Variants in AGAP1 observed in about 807,000 individuals in gnomAD.
AGAP1 encodes arf-GAP with GTPase, ANK repeat and PH domain-containing protein 1.
AGAP1 carries 29 observed loss-of-function variants against 105.3 expected under a neutral mutation model. The ratio of observed to expected loss-of-function variants is 0.28; its 90% CI spans 0.21 to 0.38. The LOEUF (loss-of-function observed/expected upper bound fraction) is 0.38, where lower values mean the gene tolerates loss of function less well. Among genes scored for constraint, AGAP1 ranks in the 10% least tolerant of loss-of-function variants. The pLI, the probability that AGAP1 is intolerant of heterozygous loss-of-function variation, is 1.00. For missense variants in AGAP1, 998 were observed against 1,165.1 expected, an observed-to-expected ratio of 0.86 and a Z score of 2.09; for synonymous variants, 509 against 485.9, an observed-to-expected ratio of 1.05 and a Z score of -0.63.
chr2:235,799,302 C>T lies in AGAP1; in HGVS notation c.802-65C>T. The T allele has an allele frequency of 6.4e-7, 1 of 1,566,760 alleles. No individual in the cohort carries two copies. The highest frequency in any genetic ancestry group is 8.7e-7 in the Non-Finnish European group (1 of 1,150,800). On this transcript the variant is annotated intron_variant, in intron 7 of 17. Coordinates refer to ENST00000304032, the MANE Select transcript of AGAP1 (RefSeq NM_001037131.3). The surrounding 1 kb of genome is among the most constrained non-coding windows in gnomAD (Gnocchi z 5.0). ...TGCTCACTTGTTGGTTATGACCTTG[C>T]CTAAGTGGAGGTCTTGGGTTCCTGA... is the stretch of plus-strand genomic sequence containing the variant.
intron 16 of AGAP1, among the ~76,000 whole-genome samples, chr2:236,060,662 T>TCCAGCCTGGGCCGCAGA (rs1486878117): frequency 3.9e-5 from 6 of 152,044 alleles, no homozygotes; most frequent in Admixed American, 3.9e-4. Flanking sequence ...ACCACTGCAC[T>TCCAGCCTGGGCCGCAGA]CCAGCCTGGG....
chr2:235,952,318 T>A (rs974923070), intron 12 of AGAP1, among the ~76,000 whole-genome samples: 2 of 152,168 alleles, frequency 1.3e-5, no homozygotes, highest in African/African-American at 4.8e-5. Flanking sequence ...AAATATTTTC[T>A]TTTCAGTGTC....
intron 8 of AGAP1, 149 bp from the exon 9 acceptor site, chr2:235,807,090 G>A: frequency 1.5e-6 from 1 of 676,892 alleles, no homozygotes; most frequent in South Asian, 1.9e-5. Context: ...GAACTACTGA[G>A]CTGTCTGCTC....
At chr2:236,023,565 A>G (rs2056952943) in intron 13 of AGAP1, among the ~76,000 whole-genome samples, 1 of 151,660 alleles carries the variant, frequency 6.6e-6, no homozygotes, top group South Asian at 2.1e-4. Context: ...AGAAGTCCCA[A>G]CTCTTTCACC....
chr2:235,667,959 CAAAAAAAAAAAAA>C (rs142657060), intron 1 of AGAP1, among the ~76,000 whole-genome samples: 1 of 61,926 alleles, frequency 1.6e-5, no homozygotes, highest in African/African-American at 6.7e-5. Flanking sequence ...GCCTCTGTCT[CAAAAAAAAAAAAA>C]AAAAAAAAAA....
chr2:235,800,177 G>C (rs1011572561), intron 8 of AGAP1, among the ~76,000 whole-genome samples: 33 of 151,198 alleles, frequency 2.2e-4, no homozygotes, highest in African/African-American at 7.6e-4. Flanking sequence ...CTCAGTCATG[G>C]CTCACTGCAG....
At chr2:235,972,500 C>T (rs1449436407) in intron 13 of AGAP1, among the ~76,000 whole-genome samples, 45 of 152,064 alleles carry the variant, frequency 3.0e-4, no homozygotes, top group Non-Finnish European at 4.4e-5. Flanking sequence ...GTGTAGAACC[C>T]GGGGTGTAAC....
At chr2:235,521,754 G>T (rs770540401) in intron 1 of AGAP1, among the ~76,000 whole-genome samples, 8 of 151,000 alleles carry the variant, frequency 5.3e-5, no homozygotes, top group African/African-American at 2.0e-4. Context: ...GTGTGTGTGT[G>T]TGTGTGTGTG....
intron 9 of AGAP1, among the ~76,000 whole-genome samples, chr2:235,821,466 C>T (rs893930743): frequency 2.0e-5 from 3 of 150,902 alleles, no homozygotes; most frequent in African/African-American, 7.3e-5. Context: ...TCACTGCAAG[C>T]TCTGCCTCCC....
At chr2:235,679,239 T>G (rs551481022) in intron 1 of AGAP1, among the ~76,000 whole-genome samples, 1 of 152,362 alleles carries the variant, frequency 6.6e-6, no homozygotes, top group South Asian at 2.1e-4. Flanking sequence ...TAAACAGATA[T>G]GTCACTGTGC....
At chr2:235,573,418 C>T (rs769920786) in intron 1 of AGAP1, among the ~76,000 whole-genome samples, 11 of 152,106 alleles carry the variant, frequency 7.2e-5, no homozygotes, top group Non-Finnish European at 1.3e-4. Flanking sequence ...CACGTACTTA[C>T]ATTTTTTGTT....
rs6749870 is a variant in AGAP1 at position 236,061,566 on chromosome 2, C to T, written c.2114+12285C>T. Among the ~76,000 whole-genome samples, 112,481 of 151,922 alleles carry T rather than the reference C, an allele frequency of 0.74. 41,886 individuals carry two copies. The highest frequency in any genetic ancestry group is 0.92 in the East Asian group (4,748 of 5,146). On this transcript the variant is annotated intron_variant, in intron 16 of 17. Transcript: ENST00000304032. This position sits in a 1 kb window ranked among gnomAD's most constrained non-coding sequence, Gnocchi z 4.1. Reference sequence around the variant, plus strand: ...TACAGGTTGTAACGTGGGTGAACCTCGAAGACATGATGCTAAAGGAAAGGA... The same window carrying T: ...TACAGGTTGTAACGTGGGTGAACCTTGAAGACATGATGCTAAAGGAAAGGA...
At position 236,055,094 on chromosome 2, in the gene AGAP1, G is replaced by A. The variant is rs754871721; in HGVS notation, c.2114+5813G>A. On this transcript the variant is annotated intron_variant, in intron 16 of 17. Coordinates refer to ENST00000304032, the MANE Select transcript of AGAP1 (RefSeq NM_001037131.3). The surrounding 1 kb of genome is among the most constrained non-coding windows in gnomAD (Gnocchi z 6.2). ...TGTGACCTCCCGCTTGTCAAGGTCC[G>A]GGCTGTGCTCTTCTTTCAATTAAGT... Among the ~76,000 whole-genome samples, 2 of 152,140 alleles carry A rather than the reference G, an allele frequency of 1.3e-5. No individual in the cohort carries two copies. The highest frequency in any genetic ancestry group is 4.8e-5 in the African/African-American group (2 of 41,426).
intron 16 of AGAP1, among the ~76,000 whole-genome samples, chr2:236,106,910 G>C (rs1361844950): frequency 1.3e-5 from 2 of 152,136 alleles, no homozygotes; most frequent in African/African-American, 4.8e-5. Flanking sequence ...AGTCTACAAG[G>C]GGGTGGCTGC....
chr2:235,531,618 T>C (rs184990176), intron 1 of AGAP1, among the ~76,000 whole-genome samples: 3 of 151,540 alleles, frequency 2.0e-5, no homozygotes, highest in Admixed American at 1.3e-4. Flanking sequence ...CTTTTTTTTT[T>C]TTTTTTTGAG....
At chr2:235,645,264 A>G (rs1266808075) in intron 1 of AGAP1, among the ~76,000 whole-genome samples, 1 of 152,200 alleles carries the variant, frequency 6.6e-6, no homozygotes, top group East Asian at 1.9e-4. Context: ...TTACAGTTGA[A>G]AACTAATTAA....
intron 13 of AGAP1, among the ~76,000 whole-genome samples, chr2:236,010,171 A>G (rs1477861328): frequency 6.6e-6 from 1 of 152,236 alleles, no homozygotes; most frequent in East Asian, 1.9e-4. Flanking sequence ...TTTTATTTCA[A>G]AATAAAAATT....
chr2:235,721,850 C>G lies in AGAP1; in HGVS notation c.310+4206C>G, dbSNP rs918791888. 1.3e-5 allele frequency among the ~76,000 whole-genome samples: 2 copies of G among 152,184 alleles called. No homozygotes were observed. The highest frequency in any genetic ancestry group is 2.4e-5 in the African/African-American group (1 of 41,458). ...TTCTGGTGCAGAGCCGTCTCCAGAT[C>G]CAGGCCTCCTTTTCAGCAGATACAT... On this transcript the variant is annotated intron_variant, in intron 3 of 17. Coordinates refer to ENST00000304032, the MANE Select transcript of AGAP1 (RefSeq NM_001037131.3). The surrounding 1 kb of genome is among the most constrained non-coding windows in gnomAD (Gnocchi z 4.5).
rs145991084 is a variant in AGAP1, at chr2:236,062,436, T to TTTGTTGTTGTTGTTGTTGTTGTTG, written c.2114+13158_2114+13181dup. On this transcript the variant is annotated intron_variant, in intron 16 of 17. Transcript: ENST00000304032. The surrounding 1 kb of genome is among the most constrained non-coding windows in gnomAD (Gnocchi z 4.2). Reference sequence around the variant, plus strand: ...CTAGGAGCATACTCAGGACTCGTATTTTGTTGTTGTTGTTGTTGTTGTTGT... The same window carrying TTTGTTGTTGTTGTTGTTGTTGTTG: ...CTAGGAGCATACTCAGGACTCGTATTTTGTTGTTGTTGTTGTTGTTGTTGTTGTTGTTGTTGTTGTTGTTGTTGT... 1.3e-3 allele frequency among the ~76,000 whole-genome samples: 195 copies of TTTGTTGTTGTTGTTGTTGTTGTTG among 151,020 alleles called. No individual in the cohort carries two copies. Among genetic ancestry groups the TTTGTTGTTGTTGTTGTTGTTGTTG allele is most frequent in the African/African-American group, 4.5e-3 (183 of 40,942 alleles).
Sources: allele counts gnomAD v4.1 joint callset (sites outside exome capture counted in the v4.1 genomes callset), GRCh38; gene constraint gnomAD v4.1.1; non-coding constraint Gnocchi (gnomAD v3.1); transcripts MANE v1.5; gene names NCBI Gene and HGNC (gene_info 2026-07-23, HGNC 2026-07-21).